Variants in FRY observed in about 807,000 individuals in gnomAD.
FRY encodes the protein protein furry homolog.
A neutral mutation model predicts 348.4 loss-of-function variants in FRY; 128 were observed. That is an observed-to-expected ratio of 0.37 (90% CI 0.32 to 0.43). FRY has a LOEUF of 0.43. Among genes scored for constraint, FRY ranks in the 20% least tolerant of loss-of-function variants. The pLI is 1.00. For synonymous variants in FRY, 1,370 were observed against 1,374.7 expected (o/e 1.00, Z 0.08); for missense variants, 2,736 against 3,695.2 (o/e 0.74, Z 6.73).
At chr13:32,069,103 G>T (rs1874452253) in intron 1 of FRY, among the ~76,000 whole-genome samples, 1 of 151,982 alleles carries the variant, frequency 6.6e-6, no homozygotes, top group African/African-American at 2.4e-5. Context: ...TTTTAGTAGA[G>T]ACGGGGTTTC....
In FRY at chr13:32,108,948, C is replaced by T. The variant is rs572990285; in HGVS notation, c.324+6932C>T. 2.0e-5 allele frequency among the ~76,000 whole-genome samples: 3 copies of T among 152,156 alleles called. No homozygotes were observed. The South Asian group carries it at 6.2e-4, about 32-fold the overall frequency. ...ATCAGATTGTGGAAGATCTTAATGC[C>T]AGTGGGATGGGGCTGTATGCATACC... On this transcript the variant is annotated intron_variant, in intron 3 of 60. Transcript: ENST00000542859.
At chr13:32,141,521 T>A (rs1880070213) in intron 11 of FRY, among the ~76,000 whole-genome samples, 1 of 152,166 alleles carries the variant, frequency 6.6e-6, no homozygotes, top group Non-Finnish European at 1.5e-5. Context: ...TTAACATACA[T>A]AAGAATTCCT....
intron 10 of FRY, among the ~76,000 whole-genome samples, chr13:32,136,507 G>A (rs1879729483): frequency 6.6e-6 from 1 of 152,184 alleles, no homozygotes; most frequent in Admixed American, 6.5e-5. Context: ...AAATCTGTGT[G>A]CCTTCCTGCT....
chr13:32,293,938 G>T (rs1889501720), intron 59 of FRY, among the ~76,000 whole-genome samples: 1 of 151,994 alleles, frequency 6.6e-6, no homozygotes, highest in African/African-American at 2.4e-5. Flanking sequence ...CTTTAGGATG[G>T]CTATTATCTT....
chr13:32,189,803 T>C (rs1262764643), intron 28 of FRY, among the ~76,000 whole-genome samples: 3 of 152,002 alleles, frequency 2.0e-5, no homozygotes, highest in Non-Finnish European at 4.4e-5. Flanking sequence ...GAAACCAGAA[T>C]AACCTTGATA....
intron 7 of FRY, among the ~76,000 whole-genome samples, chr13:32,128,082 C>A (rs1384746867): frequency 1.3e-5 from 2 of 151,952 alleles, no homozygotes; most frequent in Non-Finnish European, 2.9e-5. Context: ...TTTTAAAATT[C>A]AGTTTGGGGT....
Position 32,125,536 on chromosome 13 carries a change from A to G in FRY, c.716+661A>G, listed in dbSNP as rs570167958. Among the ~76,000 whole-genome samples the G allele has an allele frequency of 4.6e-5, 7 of 152,346 alleles. No individual in the cohort carries two copies. The South Asian group carries it at 8.3e-4, about 18-fold the overall frequency. On this transcript the variant is annotated intron_variant, in intron 7 of 60. Coordinates refer to ENST00000542859, the MANE Select transcript of FRY (RefSeq NM_023037.3). ...GTTAGGCAAAATGAACCAGAGACATAATGTGAATTCATGCCAGGAGGTCAG... is the reference window on the plus strand; with the variant it reads ...GTTAGGCAAAATGAACCAGAGACATGATGTGAATTCATGCCAGGAGGTCAG...
intron 8 of FRY, among the ~76,000 whole-genome samples, chr13:32,134,507 C>T (rs10220102): frequency 0.027 from 4,119 of 152,322 alleles, 136 homozygotes; most frequent in East Asian, 0.086. Context: ...TGTTTACCTT[C>T]CCTGGGGATC....
intron 29 of FRY, 23 bp from the exon 30 acceptor site, chr13:32,201,917 TG>T (rs1181357871): frequency 8.0e-7 from 1 of 1,255,028 alleles, no homozygotes; most frequent in Non-Finnish European, 1.2e-6. Context: ...ATGCTTTTTT[TG>T]TTTTGTTCTG....
At chr13:32,104,603 A>G (rs1877416949) in intron 3 of FRY, among the ~76,000 whole-genome samples, 1 of 152,164 alleles carries the variant, frequency 6.6e-6, no homozygotes, top group African/African-American at 2.4e-5. Context: ...GTGAGAGAGG[A>G]CAAGCCACAA....
intron 29 of FRY, among the ~76,000 whole-genome samples, chr13:32,199,452 A>G (rs566251251): frequency 2.6e-5 from 4 of 152,354 alleles, no homozygotes; most frequent in Admixed American, 2.0e-4. Context: ...AATCACATTT[A>G]TGTTTAAAAC....
intron 1 of FRY, among the ~76,000 whole-genome samples, chr13:32,062,964 A>G (rs1874033471): frequency 6.6e-6 from 1 of 151,804 alleles, no homozygotes; most frequent in African/African-American, 2.4e-5. Context: ...ATGTATGTGT[A>G]TATATTTTAT....
At chr13:32,189,838 A>C (rs1883230312) in intron 28 of FRY, among the ~76,000 whole-genome samples, 1 of 152,074 alleles carries the variant, frequency 6.6e-6, no homozygotes, top group Non-Finnish European at 1.5e-5. Context: ...GGTTGTAGCA[A>C]GAAAGAAAAT....
At chr13:32,141,211 A>G (rs1053502377) in intron 11 of FRY, among the ~76,000 whole-genome samples, 1 of 152,182 alleles carries the variant, frequency 6.6e-6, no homozygotes, top group African/African-American at 2.4e-5. Flanking sequence ...CAATAGAAAA[A>G]TAATTGCCAT....
intron 34 of FRY, among the ~76,000 whole-genome samples, chr13:32,211,417 C>T (rs1421296054): frequency 6.6e-6 from 1 of 152,180 alleles, no homozygotes; most frequent in Non-Finnish European, 1.5e-5. Flanking sequence ...CAAGATTGCA[C>T]CACTATACTC....
At chr13:32,233,733 T>C (rs116300267) in intron 41 of FRY, among the ~76,000 whole-genome samples, 2,702 of 152,328 alleles carry the variant, frequency 0.018, 77 homozygotes, top group African/African-American at 0.053. Flanking sequence ...AAGAATAATA[T>C]GTGAAAATAG....
chr13:32,124,184 G>A (rs7992425), intron 4 of FRY, 102 bp from the exon 5 acceptor site: 89,488 of 734,406 alleles, frequency 0.12, 6,771 homozygotes, highest in African/African-American at 0.25. Context: ...TTTAAAAATG[G>A]GTTTTGCAGT....
Position 32,208,897 on chromosome 13 carries a change from A to C in FRY, c.4063A>C (p.Ile1355Leu). 3 of 1,614,170 alleles carry C rather than the reference A, an allele frequency of 1.9e-6. No individual in the cohort carries two copies. Among genetic ancestry groups the C allele is most frequent in the South Asian group, 1.1e-5 (1 of 91,084 alleles). ...FPTTHPNGRQIMLTYLLPWLH... is the reference protein window; with the variant it reads ...FPTTHPNGRQLMLTYLLPWLH... ...CACAACACACCCCAACGGGCGCCAG[A>C]TCATGCTTACCTACCTGCTGCCCTG... is the stretch of plus-strand genomic sequence containing the variant. Residue 1355 changes from isoleucine (I) to leucine (L), a missense_variant, in exon 32 of 61, where the codon ATC becomes CTC. Ile to Leu is a conservative substitution (Grantham distance 5, BLOSUM62 2). This residue lies in a region of FRY where 794 missense variants were observed against 977.0 expected (regional missense o/e 0.81). Transcript: ENST00000542859.
At chr13:32,229,176 T>C (rs1483685286) in intron 40 of FRY, among the ~76,000 whole-genome samples, 2 of 152,220 alleles carry the variant, frequency 1.3e-5, no homozygotes, top group African/African-American at 4.8e-5. Flanking sequence ...ATCAAACTAA[T>C]AAATCAAAAC....
Sources: allele counts gnomAD v4.1 joint callset (sites outside exome capture counted in the v4.1 genomes callset), GRCh38; gene constraint gnomAD v4.1.1; regional missense constraint gnomAD v4.1.1; transcripts MANE v1.5; gene names NCBI Gene and HGNC (gene_info 2026-07-23, HGNC 2026-07-21).